FHIT: variants seen among roughly 807,000 people sequenced by gnomAD.
FHIT encodes fragile histidine triad diadenosine triphosphatase.
In FHIT, 19 loss-of-function variants were observed where a neutral mutation model predicts 17.9. That is an observed-to-expected ratio of 1.06 (90% CI 0.74 to 1.56). The LOEUF (loss-of-function observed/expected upper bound fraction) is 1.56, where lower values mean the gene tolerates loss of function less well. FHIT is among the 40% of genes most tolerant of loss of function. The pLI, the probability that FHIT is intolerant of heterozygous loss-of-function variation, is 0.00. For synonymous variants in FHIT, 81 were observed against 69.7 expected (o/e 1.16, Z -0.81); for missense variants, 248 against 189.2 (o/e 1.31, Z -1.82).
At chr3:60,463,587 C>G (rs752908847) in intron 5 of FHIT, among the ~76,000 whole-genome samples, 3 of 152,172 alleles carry the variant, frequency 2.0e-5, no homozygotes, top group Non-Finnish European at 4.4e-5. Context: ...GGAAACCCAT[C>G]ATTTACTGGG....
intron 4 of FHIT, among the ~76,000 whole-genome samples, chr3:60,759,193 T>C (rs1423179350): frequency 2.0e-5 from 3 of 152,130 alleles, no homozygotes; most frequent in African/African-American, 7.2e-5. Context: ...TTTTATGGTT[T>C]TGAGTAGAAC....
chr3:59,934,983 A>G (rs11707269), intron 7 of FHIT, among the ~76,000 whole-genome samples: 29,380 of 152,014 alleles, frequency 0.19, 2,860 homozygotes, highest in Middle Eastern at 0.27. Context: ...GACAAACCTA[A>G]CCAACAGCTA....
intron 5 of FHIT, among the ~76,000 whole-genome samples, chr3:60,168,861 G>A (rs1701296415): frequency 7.8e-6 from 1 of 128,882 alleles, no homozygotes; most frequent in Non-Finnish European, 1.8e-5. Context: ...TCTCTCCTCT[G>A]CTCTGGTGAA....
intron 5 of FHIT, among the ~76,000 whole-genome samples, chr3:60,397,395 C>T (rs570955114): frequency 3.2e-4 from 49 of 152,098 alleles, no homozygotes; most frequent in Non-Finnish European, 6.9e-4. Flanking sequence ...TCTTAGGCTC[C>T]AGGGTACTTC....
chr3:60,806,666 T>C (rs1701401112), intron 4 of FHIT, among the ~76,000 whole-genome samples: 1 of 152,232 alleles, frequency 6.6e-6, no homozygotes, highest in Admixed American at 6.5e-5. Context: ...TTTATAGTCA[T>C]ATGTGTCTTT....
chr3:59,945,130 A>C (rs1014613317), intron 7 of FHIT, among the ~76,000 whole-genome samples: 3 of 152,298 alleles, frequency 2.0e-5, no homozygotes, highest in Admixed American at 2.0e-4. Context: ...GCTAGTTTAC[A>C]TTCCCACAAG....
At chr3:60,198,484 C>T (rs1050276852) in intron 5 of FHIT, among the ~76,000 whole-genome samples, 1 of 152,166 alleles carries the variant, frequency 6.6e-6, no homozygotes, top group African/African-American at 2.4e-5. Context: ...CAGTGCCTGT[C>T]CTACTGCATG....
At chr3:60,142,642 T>C (rs544958636) in intron 5 of FHIT, among the ~76,000 whole-genome samples, 2 of 151,764 alleles carry the variant, frequency 1.3e-5, no homozygotes, top group Non-Finnish European at 2.9e-5. Flanking sequence ...GCTGGGACTA[T>C]AGGTGCACAC....
chr3:59,961,835 G>A (rs1448539404), intron 7 of FHIT, among the ~76,000 whole-genome samples: 2 of 152,202 alleles, frequency 1.3e-5, no homozygotes, highest in Non-Finnish European at 2.9e-5. Context: ...GCTGGAAGCT[G>A]TAGCCCAGAG....
intron 5 of FHIT, among the ~76,000 whole-genome samples, chr3:60,396,553 T>C (rs1224637595): frequency 6.6e-6 from 1 of 152,188 alleles, no homozygotes; most frequent in Non-Finnish European, 1.5e-5. Flanking sequence ...AAAAAGTTAA[T>C]ATATTGTACG....
intron 7 of FHIT, among the ~76,000 whole-genome samples, chr3:59,948,117 C>T (rs1027410283): frequency 3.9e-5 from 6 of 152,090 alleles, no homozygotes; most frequent in African/African-American, 1.4e-4. Flanking sequence ...CATTCATGTA[C>T]AGATTTTTGT....
intron 5 of FHIT, among the ~76,000 whole-genome samples, chr3:60,284,672 G>A (rs9849664): frequency 0.25 from 38,430 of 151,838 alleles, 5,644 homozygotes; most frequent in East Asian, 0.7. Flanking sequence ...ATTTTTTTAT[G>A]TATCATAATG....
intron 5 of FHIT, among the ~76,000 whole-genome samples, chr3:60,478,495 C>G: frequency 6.6e-6 from 1 of 152,058 alleles, no homozygotes; most frequent in Non-Finnish European, 1.5e-5. Flanking sequence ...CCTCTTGCGG[C>G]AAAGAAAGTG....
At chr3:60,003,342 C>T (rs1575859160) in intron 7 of FHIT, among the ~76,000 whole-genome samples, 2 of 152,142 alleles carry the variant, frequency 1.3e-5, no homozygotes, top group African/African-American at 4.8e-5. Flanking sequence ...TTATTATTTC[C>T]TGCTGTTAAT....
chr3:60,946,213 T>A (rs1298623355), intron 3 of FHIT, among the ~76,000 whole-genome samples: 1 of 152,148 alleles, frequency 6.6e-6, no homozygotes, highest in Non-Finnish European at 1.5e-5. Context: ...GAGATGCTAA[T>A]GTCACCTGAG....
At chr3:60,198,916 A>G (rs1702768917) in intron 5 of FHIT, among the ~76,000 whole-genome samples, 1 of 152,196 alleles carries the variant, frequency 6.6e-6, no homozygotes, top group Non-Finnish European at 1.5e-5. Flanking sequence ...CAAAATTTAA[A>G]CTAAGTGGAG....
intron 5 of FHIT, among the ~76,000 whole-genome samples, chr3:60,407,222 C>G (rs1275420315): frequency 6.6e-6 from 1 of 151,910 alleles, no homozygotes; most frequent in Non-Finnish European, 1.5e-5. Flanking sequence ...ATTTCTGTTT[C>G]TCTTTTATTT....
At chr3:60,436,771 T>G (rs565608460) in intron 5 of FHIT, among the ~76,000 whole-genome samples, 2 of 152,284 alleles carry the variant, frequency 1.3e-5, no homozygotes, top group South Asian at 4.1e-4. Flanking sequence ...TTTCTTTTTA[T>G]TTCTAAGGCA....
chr3:59,933,264 C>T (rs1230479612), intron 7 of FHIT, among the ~76,000 whole-genome samples: 1 of 152,116 alleles, frequency 6.6e-6, no homozygotes, highest in Non-Finnish European at 1.5e-5. Context: ...ACTGACACAA[C>T]ACTTAATTAT....
Sources: allele counts gnomAD v4.1 joint callset (sites outside exome capture counted in the v4.1 genomes callset), GRCh38; gene constraint gnomAD v4.1.1; transcripts MANE v1.5; gene names NCBI Gene and HGNC (gene_info 2026-07-23, HGNC 2026-07-21).